KLF12: variants seen among roughly 807,000 people sequenced by gnomAD.
KLF12 encodes KLF transcription factor 12, also known as Krueppel-like factor 12.
KLF12 carries 9 observed loss-of-function variants against 37.8 expected under a neutral mutation model. That is an observed-to-expected ratio of 0.24 (90% CI 0.14 to 0.42). The LOEUF is 0.42. KLF12 is among the 10% of genes least tolerant of loss of function. The pLI, the probability that KLF12 is intolerant of heterozygous loss-of-function variation, is 1.00. For synonymous variants in KLF12, 208 were observed against 202.1 expected (o/e 1.03, Z -0.25); for missense variants, 411 against 516.0 (o/e 0.80, Z 1.97).
chr13:74,170,259 G>T, the KLF12 span, among the ~76,000 whole-genome samples: 1 of 152,234 alleles, frequency 6.6e-6, no homozygotes, highest in Middle Eastern at 3.4e-3. Flanking sequence ...TTAACATTCT[G>T]CTCTCTGCTT....
At chr13:74,018,325 G>A (rs1015957128) in intron 1 of KLF12, among the ~76,000 whole-genome samples, 2 of 152,006 alleles carry the variant, frequency 1.3e-5, no homozygotes, top group Non-Finnish European at 2.9e-5. Flanking sequence ...GGGAGATGTT[G>A]GTCAAAGAAT....
chr13:73,823,555 AT>A (rs1209530669), intron 4 of KLF12, among the ~76,000 whole-genome samples: 2 of 152,224 alleles, frequency 1.3e-5, no homozygotes, highest in Non-Finnish European at 2.9e-5. Context: ...TTGATACATA[AT>A]CATGATTGAA....
chr13:73,990,996 C>T (rs921294247), intron 2 of KLF12, among the ~76,000 whole-genome samples: 1 of 152,062 alleles, frequency 6.6e-6, no homozygotes, highest in Non-Finnish European at 1.5e-5. Flanking sequence ...TTAAAATGAG[C>T]AACGCATCAT....
chr13:73,810,958 T>C (rs1344625387), intron 5 of KLF12, among the ~76,000 whole-genome samples: 2 of 109,766 alleles, frequency 1.8e-5, no homozygotes, highest in Non-Finnish European at 3.8e-5. Flanking sequence ...AGATAAACAA[T>C]GTTTATTTTT....
At chr13:74,036,849 T>A (rs1292035513) in intron 1 of KLF12, among the ~76,000 whole-genome samples, 1 of 152,194 alleles carries the variant, frequency 6.6e-6, no homozygotes, top group African/African-American at 2.4e-5. Flanking sequence ...TTTGATAAAT[T>A]TATAAACCAA....
At chr13:73,944,407 C>T (rs1471986299) in intron 2 of KLF12, among the ~76,000 whole-genome samples, 1 of 152,172 alleles carries the variant, frequency 6.6e-6, no homozygotes, top group Non-Finnish European at 1.5e-5. Flanking sequence ...AAACAGAAGG[C>T]AAGTTTTTCT....
In KLF12 at chr13:73,981,097, C is replaced by G. The variant is rs993555243; in HGVS notation, c.33+13893G>C. 2.0e-5 allele frequency among the ~76,000 whole-genome samples: 3 copies of G among 152,186 alleles called. No homozygotes were observed. The Middle Eastern group carries it at 0.01, about 518-fold the overall frequency. On this transcript the variant is annotated intron_variant, in intron 2 of 7. Transcript: ENST00000377669. ...ATTGCTTGAGCCAGGGCAGTTGAGG[C>G]TACAGTGAGCTGTGTTTGTGTCACT...
the KLF12 span, among the ~76,000 whole-genome samples, chr13:74,147,809 G>A: frequency 6.6e-6 from 1 of 151,982 alleles, no homozygotes; most frequent in Non-Finnish European, 1.5e-5. Context: ...CCTACCATGG[G>A]TAAACCATCA....
chr13:74,067,965 G>C (rs991718016), intron 1 of KLF12, among the ~76,000 whole-genome samples: 1 of 152,086 alleles, frequency 6.6e-6, no homozygotes, highest in Non-Finnish European at 1.5e-5. Context: ...ACCAACTTCC[G>C]CTTAACCAAC....
intron 3 of KLF12, among the ~76,000 whole-genome samples, chr13:73,876,905 C>T (rs1182555694): frequency 6.6e-6 from 1 of 151,670 alleles, no homozygotes; most frequent in African/African-American, 2.4e-5. Flanking sequence ...ATCCCAGCTA[C>T]TCGGGAGGCT....
intron 1 of KLF12, among the ~76,000 whole-genome samples, chr13:73,998,167 A>G (rs1459081012): frequency 6.6e-6 from 1 of 152,204 alleles, no homozygotes; most frequent in East Asian, 1.9e-4. Context: ...ACTTTAACAA[A>G]TAAGCAGCTA....
intron 1 of KLF12, among the ~76,000 whole-genome samples, chr13:74,099,665 A>G (rs1162248938): frequency 6.6e-6 from 1 of 152,172 alleles, no homozygotes; most frequent in African/African-American, 2.4e-5. Context: ...CAGGGTACCA[A>G]GGAAGCACTT....
At chr13:73,782,873 G>A (rs1881056597) in intron 5 of KLF12, among the ~76,000 whole-genome samples, 1 of 152,172 alleles carries the variant, frequency 6.6e-6, no homozygotes, top group Non-Finnish European at 1.5e-5. Flanking sequence ...TCCTAATTGT[G>A]GCTTGTGTTT....
intron 2 of KLF12, among the ~76,000 whole-genome samples, chr13:73,979,117 C>T (rs570762183): frequency 3.3e-5 from 5 of 152,044 alleles, no homozygotes; most frequent in South Asian, 2.1e-4. Flanking sequence ...TGTTAAAACC[C>T]GTAGAATATA....
chr13:74,207,212 G>T, the KLF12 span, among the ~76,000 whole-genome samples: 5 of 152,292 alleles, frequency 3.3e-5, no homozygotes, highest in African/African-American at 9.6e-5. Context: ...TGAGGACAGA[G>T]CCCTCATGGC....
intron 7 of KLF12, among the ~76,000 whole-genome samples, chr13:73,712,792 G>A (rs1341907619): frequency 1.3e-5 from 2 of 152,194 alleles, no homozygotes; most frequent in African/African-American, 2.4e-5. Context: ...AAAAGATTAC[G>A]ACTCTAAAGG....
intron 5 of KLF12, among the ~76,000 whole-genome samples, chr13:73,808,511 C>T (rs986105028): frequency 6.6e-6 from 1 of 151,636 alleles, no homozygotes; most frequent in Non-Finnish European, 1.5e-5. Flanking sequence ...CACTAAGCAG[C>T]GGTCTTTTTA....
the KLF12 span, among the ~76,000 whole-genome samples, chr13:74,261,556 A>G: frequency 6.6e-6 from 1 of 152,228 alleles, no homozygotes; most frequent in Non-Finnish European, 1.5e-5. Flanking sequence ...TTTGTGATAA[A>G]GTAACAGGCT....
chr13:73,860,759 G>A (rs769195865), intron 3 of KLF12, among the ~76,000 whole-genome samples: 3 of 151,872 alleles, frequency 2.0e-5, no homozygotes, highest in Non-Finnish European at 2.9e-5. Context: ...TAATTACCCC[G>A]TGACTAAAAC....
Sources: allele counts gnomAD v4.1 joint callset (sites outside exome capture counted in the v4.1 genomes callset), GRCh38; gene constraint gnomAD v4.1.1; transcripts MANE v1.5; gene names NCBI Gene and HGNC (gene_info 2026-07-23, HGNC 2026-07-21).